The following FSHR variants were observed in gnomAD, a reference collection of about 807,000 sequenced individuals.
The protein encoded by FSHR is follicle stimulating hormone receptor, also known as follicle-stimulating hormone receptor.
In FSHR, 46 loss-of-function variants were observed where a neutral mutation model predicts 52.1. The ratio of observed to expected loss-of-function variants is 0.88; its 90% CI spans 0.70 to 1.13. FSHR has a LOEUF of 1.13. Ranked by LOEUF, FSHR falls within the 50% of genes most tolerant of loss-of-function variation. The pLI, the probability that FSHR is intolerant of heterozygous loss-of-function variation, is 0.00. For synonymous variants in FSHR, 399 were observed against 309.6 expected (o/e 1.29, Z -3.03); for missense variants, 964 against 834.6 (o/e 1.16, Z -1.91).
intron 1 of FSHR, among the ~76,000 whole-genome samples, chr2:49,126,280 T>G (rs1671993445): frequency 7.1e-6 from 1 of 139,954 alleles, no homozygotes; most frequent in Non-Finnish European, 1.5e-5. Flanking sequence ...TGGGGGAGGG[T>G]GGAAAGGCAA....
Position 48,985,927 on chromosome 2 carries a change from A to G in FSHR, c.525-2761T>C, listed in dbSNP as rs974470143. Among the ~76,000 whole-genome samples, 3 of 151,678 alleles carry G rather than the reference A, an allele frequency of 2.0e-5. No individual in the cohort carries two copies. In the East Asian group the frequency reaches 5.9e-4, roughly 30 times the overall value. On this transcript the variant is annotated intron_variant, in intron 6 of 9. Coordinates refer to ENST00000406846, the MANE Select transcript of FSHR (RefSeq NM_000145.4). ...ACGGGGTTTCACCTTGTTAGCCAGG[A>G]TGGTCTCGATTTCCTGACCTCATGA... is the stretch of plus-strand genomic sequence containing the variant.
intron 1 of FSHR, among the ~76,000 whole-genome samples, chr2:49,086,358 A>G (rs925008859): frequency 5.3e-5 from 8 of 152,324 alleles, no homozygotes; most frequent in Non-Finnish European, 8.8e-5. Flanking sequence ...ACACTCTCAC[A>G]TAATCACAAT....
chr2:49,055,332 G>A (rs1669015841), intron 2 of FSHR, among the ~76,000 whole-genome samples: 1 of 150,060 alleles, frequency 6.7e-6, no homozygotes, highest in African/African-American at 2.5e-5. Flanking sequence ...AAGAACACAG[G>A]CACAATAAAT....
At chr2:49,112,181 A>G (rs554666222) in intron 1 of FSHR, among the ~76,000 whole-genome samples, 10 of 152,272 alleles carry the variant, frequency 6.6e-5, no homozygotes, top group African/African-American at 2.4e-4. Context: ...TAACTATTAC[A>G]TTTCCATTCA....
intron 4 of FSHR, among the ~76,000 whole-genome samples, chr2:48,993,532 G>A (rs1210584907): frequency 6.6e-6 from 1 of 152,186 alleles, no homozygotes; most frequent in East Asian, 1.9e-4. Flanking sequence ...CTGAATGTCT[G>A]CAATATTATC....
intron 1 of FSHR, among the ~76,000 whole-genome samples, chr2:49,114,225 C>A (rs960313739): frequency 2.0e-5 from 3 of 152,170 alleles, no homozygotes; most frequent in African/African-American, 4.8e-5. Context: ...ACTTAGGGAG[C>A]CTTTGCTGGC....
intron 2 of FSHR, among the ~76,000 whole-genome samples, chr2:49,047,885 T>C (rs1415618861): frequency 1.3e-5 from 2 of 152,186 alleles, no homozygotes; most frequent in Non-Finnish European, 2.9e-5. Flanking sequence ...AGCTTATTTA[T>C]TATTATTTTT....
At chr2:49,008,335 G>A (rs968841915) in intron 4 of FSHR, among the ~76,000 whole-genome samples, 8 of 144,132 alleles carry the variant, frequency 5.6e-5, no homozygotes, top group Non-Finnish European at 9.1e-5. Context: ...TTTCATACAT[G>A]TCCCTACAAA....
In FSHR at chr2:49,154,408, G is replaced by C; in HGVS notation, c.10C>G (p.Leu4Val). The C allele has an allele frequency of 6.2e-7, 1 of 1,612,528 alleles. No homozygotes were observed. Among genetic ancestry groups the C allele is most frequent in the Non-Finnish European group, 8.5e-7 (1 of 1,179,912 alleles). ...AGGAATGCCAGCAAAGAGACCAGGA[G>C]CAGGGCCATAATTATGCATCCATCC... MAL[L>V]LVSLLAFLSL... The change falls in exon 1 of 10, where the codon CTC becomes GTC. Residue 4 changes from leucine (L) to valine (V), a missense_variant. Coordinates refer to ENST00000406846, the MANE Select transcript of FSHR (RefSeq NM_000145.4).
chr2:49,071,057 C>G (rs1329166291), intron 1 of FSHR, among the ~76,000 whole-genome samples: 1 of 152,024 alleles, frequency 6.6e-6, no homozygotes, highest in Non-Finnish European at 1.5e-5. Context: ...ACGAAACTGG[C>G]ACATGAGATG....
rs546551466 is a variant in FSHR at position 49,023,660 on chromosome 2, C to T, written c.225-3500G>A. On this transcript the variant is annotated intron_variant, in intron 2 of 9. Coordinates refer to ENST00000406846, the MANE Select transcript of FSHR (RefSeq NM_000145.4). Reference sequence around the variant, plus strand: ...GGTCACAGCTCTCTCCCTAGGCCTTCTCTGGCTATCAGTTGAGGTCCTTGA... The same window carrying T: ...GGTCACAGCTCTCTCCCTAGGCCTTTTCTGGCTATCAGTTGAGGTCCTTGA... Among the ~76,000 whole-genome samples the T allele has an allele frequency of 3.3e-5, 5 of 152,264 alleles. No homozygotes were observed. The East Asian group carries it at 7.7e-4, about 24-fold the overall frequency.
intron 4 of FSHR, among the ~76,000 whole-genome samples, chr2:49,008,513 A>T (rs996279480): frequency 3.9e-5 from 6 of 152,028 alleles, no homozygotes; most frequent in African/African-American, 1.2e-4. Context: ...TAATAGCAGC[A>T]TGATTTATAG....
chr2:49,143,312 T>G (rs1672755168), intron 1 of FSHR, among the ~76,000 whole-genome samples: 1 of 152,062 alleles, frequency 6.6e-6, no homozygotes, highest in Admixed American at 6.6e-5. Context: ...CTGCATGGAG[T>G]GTTCCTGAGA....
intron 2 of FSHR, among the ~76,000 whole-genome samples, chr2:49,028,003 G>C (rs890215852): frequency 2.6e-5 from 4 of 152,156 alleles, no homozygotes; most frequent in Admixed American, 2.6e-4. Flanking sequence ...GAGTTTGGTA[G>C]GTAGTAAGGG....
At chr2:49,036,056 A>G (rs1267553118) in intron 2 of FSHR, among the ~76,000 whole-genome samples, 2 of 152,200 alleles carry the variant, frequency 1.3e-5, no homozygotes, top group East Asian at 1.9e-4. Context: ...AGGTAGATAT[A>G]GATACTGTAT....
At chr2:49,137,323 TA>T (rs1454728429) in intron 1 of FSHR, among the ~76,000 whole-genome samples, 1 of 152,030 alleles carries the variant, frequency 6.6e-6, no homozygotes. Context: ...TTGAAAACTA[TA>T]AAATAATTAT....
chr2:48,982,337 C>T (rs1326397734), intron 8 of FSHR, among the ~76,000 whole-genome samples: 1 of 152,084 alleles, frequency 6.6e-6, no homozygotes, highest in Non-Finnish European at 1.5e-5. Flanking sequence ...TGATGCAGGG[C>T]TGTGAGGCAC....
chr2:49,093,315 A>G (rs867802000), intron 1 of FSHR, among the ~76,000 whole-genome samples: 5 of 152,206 alleles, frequency 3.3e-5, no homozygotes, highest in African/African-American at 1.2e-4. Flanking sequence ...ATAGAGGTGT[A>G]CATGTGTCTA....
intron 6 of FSHR, among the ~76,000 whole-genome samples, chr2:48,988,520 A>G (rs553573966): frequency 1.3e-5 from 2 of 152,362 alleles, no homozygotes; most frequent in East Asian, 3.9e-4. Context: ...TCATTAAAAA[A>G]TGTGATTGTT....
Sources: allele counts gnomAD v4.1 joint callset (sites outside exome capture counted in the v4.1 genomes callset), GRCh38; gene constraint gnomAD v4.1.1; transcripts MANE v1.5; gene names NCBI Gene and HGNC (gene_info 2026-07-23, HGNC 2026-07-21).